KCP: variants seen among roughly 807,000 people sequenced by gnomAD.
KCP encodes kielin cysteine rich BMP regulator.
KCP carries 194 observed loss-of-function variants against 212.7 expected under a neutral mutation model. The observed-to-expected ratio is 0.91, with a 90% CI of 0.81 to 1.03. KCP has a LOEUF of 1.03. Among genes scored for constraint, KCP ranks in the 50% least tolerant of loss-of-function variants. The pLI is 0.00. For synonymous variants in KCP, 833 were observed against 865.3 expected (o/e 0.96, Z 0.65); for missense variants, 2,080 against 2,162.5 (o/e 0.96, Z 0.76).
At chr7:128,886,797 C>A in intron 24 of KCP, 60 bp from the exon 25 acceptor site, 1 of 1,507,362 alleles carries the variant, frequency 6.6e-7, no homozygotes, top group South Asian at 1.2e-5. Context: ...CTCGGCCCAG[C>A]CTTAGGCCTG....
chr7:128,906,993 T>C, intron 4 of KCP, 108 bp downstream of exon 4: 1 of 1,060,588 alleles, frequency 9.4e-7, no homozygotes, highest in Non-Finnish European at 1.4e-6. Flanking sequence ...GGTGTGGGAG[T>C]GGCAGGCAGA....
At chr7:128,910,310 T>C (rs563567534) in intron 1 of KCP, among the ~76,000 whole-genome samples, 1 of 152,264 alleles carries the variant, frequency 6.6e-6, no homozygotes, top group South Asian at 2.1e-4. Context: ...TCCCCCTCCT[T>C]CGTCAAGACA....
rs752134090 is a variant in KCP at position 128,878,687 on chromosome 7, G to A, written c.4182C>T (p.Ser1394=). The change falls in exon 38 of 40, where the codon AGC becomes AGT. Residue 1394 remains serine, a synonymous_variant. Coordinates refer to ENST00000610776, the MANE Select transcript of KCP (RefSeq NM_001366122.1). ...TCCGGCCCTGGTAGGAGCCAGGTACGCTCACCTCCACCTGGGACTGCCCAT... is the reference window on the plus strand; with the variant it reads ...TCCGGCCCTGGTAGGAGCCAGGTACACTCACCTCCACCTGGGACTGCCCAT... The part of the protein sequence containing the change: ...LWDGQSQVEV[S]VPGSYQGRTC... 11 of 1,550,576 alleles carry A rather than the reference G, an allele frequency of 7.1e-6. No individual in the cohort carries two copies. The highest frequency in any genetic ancestry group is 3.6e-5 in the South Asian group (3 of 84,064).
chr7:128,894,326 A>T, intron 8 of KCP, 33 bp from the exon 9 acceptor site: 14 of 1,457,276 alleles, frequency 9.6e-6, no homozygotes, highest in Non-Finnish European at 1.1e-5. Context: ...GAAGGGGCCG[A>T]CAGGGCTCAA....
intron 27 of KCP, 97 bp from the exon 28 acceptor site, chr7:128,884,960 C>A: frequency 2.7e-6 from 4 of 1,490,050 alleles, no homozygotes; most frequent in Non-Finnish European, 3.7e-6. Flanking sequence ...CCCCTGATCC[C>A]AGGGAGTGGA....
intron 15 of KCP, 28 bp from the exon 16 acceptor site, chr7:128,892,635 C>T (rs1350110448): frequency 1.2e-5 from 18 of 1,550,716 alleles, no homozygotes; most frequent in South Asian, 3.6e-5. Flanking sequence ...AGAGAGCAAT[C>T]GGGGCATGCC....
chr7:128,892,850 G>C lies in KCP; in HGVS notation c.1420+19C>G, dbSNP rs1287656818. ...GGGTAATGCAGGGGAAGAAAGCCAG[G>C]ATCAGCCCAGGCACTCACCAGGGGG... On this transcript the variant is annotated intron_variant, in intron 14 of 39. Transcript: ENST00000610776. The C allele has an allele frequency of 1.9e-6, 3 of 1,551,082 alleles. No individual in the cohort carries two copies. The South Asian group carries it at 3.6e-5, about 18-fold the overall frequency.
At chr7:128,881,863 AGAG>A (rs1436084729) in intron 30 of KCP, 71 bp downstream of exon 30, 2 of 1,445,656 alleles carry the variant, frequency 1.4e-6, no homozygotes, top group African/African-American at 2.8e-5. Context: ...CTGCTGCGGG[AGAG>A]GAGTGGCAGC....
In KCP at chr7:128,893,852, G is replaced by T. The variant is rs375364577; in HGVS notation, c.1053C>A (p.Cys351Ter). The T allele has an allele frequency of 9.3e-5, 145 of 1,551,264 alleles. 1 individual carries two copies. The highest frequency in any genetic ancestry group is 1.1e-4 in the Non-Finnish European group (130 of 1,147,010). ...CEPLPCPPVP[C>*]RHPGKIPGQC... ...GCCCAGGGATCTTGCCTGGGTGTCTGCAGGGCACTGGCGGGCAGGGCAGAG... is the reference window on the plus strand; with the variant it reads ...GCCCAGGGATCTTGCCTGGGTGTCTTCAGGGCACTGGCGGGCAGGGCAGAG... Residue 351 changes from cysteine to a stop codon, truncating the protein, a stop_gained, in exon 11 of 40, where the codon TGC (cysteine) becomes TGA (stop). Transcript: ENST00000610776. LOFTEE classifies it high-confidence loss of function.
chr7:128,885,770 G>A (rs963501425), intron 26 of KCP, among the ~76,000 whole-genome samples: 8 of 152,008 alleles, frequency 5.3e-5, no homozygotes, highest in East Asian at 3.9e-4. Flanking sequence ...GGTGTGGGAC[G>A]AGGGGGCAGT....
chr7:128,902,704 T>C (rs1794920124), intron 8 of KCP, 73 bp downstream of exon 8: 5 of 1,355,274 alleles, frequency 3.7e-6, no homozygotes, highest in East Asian at 2.5e-5. Flanking sequence ...AAGTACTCCA[T>C]AGAATGAGCA....
chr7:128,888,465 A>AACAC (rs972388759), intron 22 of KCP, among the ~76,000 whole-genome samples: 5 of 109,314 alleles, frequency 4.6e-5, no homozygotes, highest in Non-Finnish European at 9.8e-5. Context: ...CACACAGAGC[A>AACAC]ACACACACAC....
Position 128,907,134 on chromosome 7 carries a change from G to A in KCP, c.453C>T (p.Phe151=). The part of the protein sequence containing the change: ...NGQTYGNGET[F]SPDACTTCRC... The stretch of plus-strand genomic sequence containing the variant: ...GGCAGGTGGTGCAGGCATCTGGGGA[G>A]AAGGTCTCCCCGTTGCCGTAGGTCT... The change falls in exon 4 of 40, where the codon TTC becomes TTT. Residue 151 remains phenylalanine, a synonymous_variant. Transcript: ENST00000610776. 6.4e-7 allele frequency: 1 copy of A among 1,551,538 alleles called. No individual in the cohort carries two copies. The highest frequency in any genetic ancestry group is 1.2e-5 in the South Asian group (1 of 84,038).
At chr7:128,905,611 A>G (rs1231993886) in intron 5 of KCP, among the ~76,000 whole-genome samples, 2 of 152,190 alleles carry the variant, frequency 1.3e-5, no homozygotes, top group East Asian at 3.8e-4. Flanking sequence ...GTCTGCATCT[A>G]GCCCTCACCA....
At chr7:128,888,523 CAGAT>C (rs1477292732) in intron 22 of KCP, among the ~76,000 whole-genome samples, 1 of 150,068 alleles carries the variant, frequency 6.7e-6, no homozygotes, top group Non-Finnish European at 1.5e-5. Context: ...CAGCCACACA[CAGAT>C]ACACACATAC....
Position 128,893,253 on chromosome 7 carries a change from G to A in KCP, c.1252C>T (p.Arg418Cys), listed in dbSNP as rs902384914. 15 of 1,551,192 alleles carry A rather than the reference G, an allele frequency of 9.7e-6. No homozygotes were observed. Among genetic ancestry groups the A allele is most frequent in the African/African-American group, 5.5e-5 (4 of 73,020 alleles). The change falls in exon 13 of 40, where the codon CGC (arginine) becomes TGC (cysteine). Residue 418 changes from arginine (R) to cysteine (C), a missense_variant. Physicochemically the swap from Arg to Cys is radical, Grantham distance 180. Transcript: ENST00000610776. Reference protein sequence around the residue: ...VTPCALPASGRQLCPACELDG... With the variant: ...VTPCALPASGCQLCPACELDG... Reference sequence around the variant, plus strand: ...TCACACACACCTGGGCAGAGCTGGCGGCCAGAGGCAGGCAGGGCACAGGGG... The same window carrying A: ...TCACACACACCTGGGCAGAGCTGGCAGCCAGAGGCAGGCAGGGCACAGGGG...
At chr7:128,879,691 C>T in intron 36 of KCP, 27 bp downstream of exon 36, 2 of 1,549,702 alleles carry the variant, frequency 1.3e-6, no homozygotes, top group East Asian at 2.4e-5. Context: ...CAGGATCCAC[C>T]TTCCTCCACT....
chr7:128,893,112 C>T, intron 13 of KCP, 91 bp from the exon 14 acceptor site: 1 of 1,079,674 alleles, frequency 9.3e-7, no homozygotes, highest in Non-Finnish European at 1.4e-6. Context: ...TTCGCCATCC[C>T]CGCTGACACT....
At chr7:128,882,126 A>G (rs1187289200) in intron 29 of KCP, 110 bp from the exon 30 acceptor site, 1 of 730,864 alleles carries the variant, frequency 1.4e-6, no homozygotes, top group Non-Finnish European at 2.3e-6. Flanking sequence ...ACTCCTGAGC[A>G]TACCCATATC....
Sources: gnomAD v4.1 joint callset for allele counts (sites outside exome capture counted in the v4.1 genomes callset) on GRCh38, gnomAD v4.1.1 for gene constraint, MANE v1.5 for transcripts, NCBI Gene and HGNC (gene_info 2026-07-23, HGNC 2026-07-21) for gene names.